Variants in KCNH5 observed in about 807,000 individuals in gnomAD.
KCNH5 encodes voltage-gated delayed rectifier potassium channel KCNH5.
Under a neutral mutation model 96.1 loss-of-function variants are expected in KCNH5, and 46 were observed. The observed-to-expected ratio is 0.48, with a 90% confidence interval of 0.38 to 0.61. The LOEUF is 0.61. KCNH5 is among the 20% of genes least tolerant of loss of function. The pLI, the probability that KCNH5 is intolerant of heterozygous loss-of-function variation, is 0.00. For synonymous variants in KCNH5, 439 were observed against 449.8 expected, an observed-to-expected ratio of 0.98 and a Z score of 0.30; for missense variants, 907 against 1,225.8, an observed-to-expected ratio of 0.74 and a Z score of 3.88.
Position 62,707,554 on chromosome 14 carries a change from G to C in KCNH5, c.2921C>G (p.Ser974Ter), listed in dbSNP as rs202153924. 4.7e-6 allele frequency: 7 copies of C among 1,501,988 alleles called. No homozygotes were observed. In the African/African-American group the frequency reaches 7.0e-5, roughly 15 times the overall value. 93.0% of individuals were successfully genotyped at this position (1,501,988 alleles called of 1,614,324 possible). The change falls in exon 11 of 11, where the codon TCA becomes TGA. Residue 974 changes from serine to a stop codon, truncating the protein, a stop_gained. Coordinates refer to ENST00000322893, the MANE Select transcript of KCNH5 (RefSeq NM_139318.5). LOFTEE classifies it high-confidence loss of function. ...QIPCQDIFSV[S>*]RPESPESDKD... is the part of the protein sequence containing the mutation. ...GTCAGATTCAGGTGATTCAGGCCTT[G>C]AGACACTAAAAATATCCTGACATGG... is the stretch of plus-strand genomic sequence containing the variant.
chr14:62,737,688 T>A (rs1395710973), intron 10 of KCNH5, among the ~76,000 whole-genome samples: 1 of 152,188 alleles, frequency 6.6e-6, no homozygotes, highest in African/African-American at 2.4e-5. Context: ...ATATTCTTAA[T>A]TATTGAGAAG....
At chr14:62,712,844 G>T (rs1254410300) in intron 10 of KCNH5, 1 of 673,442 alleles carries the variant, frequency 1.5e-6, no homozygotes, top group Non-Finnish European at 2.7e-6. Context: ...GAGCCAGTAG[G>T]CTTAAACACA....
chr14:62,719,515 G>T (rs1884759942), intron 10 of KCNH5, among the ~76,000 whole-genome samples: 1 of 152,252 alleles, frequency 6.6e-6, no homozygotes, highest in Non-Finnish European at 1.5e-5. Context: ...GCAGCCCCCA[G>T]AATCACAGCG....
intron 2 of KCNH5, among the ~76,000 whole-genome samples, chr14:63,013,966 G>C (rs1273676998): frequency 6.6e-6 from 1 of 152,038 alleles, no homozygotes; most frequent in Non-Finnish European, 1.5e-5. Flanking sequence ...AATAAATCAT[G>C]CTTCCAAGAA....
chr14:62,991,109 A>G (rs1358542967), intron 4 of KCNH5, among the ~76,000 whole-genome samples: 1 of 152,030 alleles, frequency 6.6e-6, no homozygotes, highest in East Asian at 1.9e-4. Context: ...ACTAACACAT[A>G]GTGGGCACTA....
chr14:62,899,738 G>T (rs1009257538), intron 7 of KCNH5, among the ~76,000 whole-genome samples: 59 of 150,980 alleles, frequency 3.9e-4, no homozygotes, highest in African/African-American at 1.3e-3. Flanking sequence ...GGAGGCTGAG[G>T]CAGGAGAATG....
chr14:62,772,817 GA>G (rs1199537078), intron 10 of KCNH5, among the ~76,000 whole-genome samples: 1 of 152,052 alleles, frequency 6.6e-6, no homozygotes, highest in Non-Finnish European at 1.5e-5. Context: ...ATACTCATAT[GA>G]AAGTTAAATG....
intron 7 of KCNH5, among the ~76,000 whole-genome samples, chr14:62,900,436 A>T (rs2140092644): frequency 6.6e-6 from 1 of 152,344 alleles, no homozygotes; most frequent in East Asian, 1.9e-4. Context: ...ATGTCTTTCA[A>T]CAAAATTTTT....
intron 7 of KCNH5, among the ~76,000 whole-genome samples, chr14:62,948,135 T>C (rs150695403): frequency 0.056 from 8,564 of 152,200 alleles, 834 homozygotes; most frequent in African/African-American, 0.2. Context: ...ATTTCATCCA[T>C]GTCCCTACAA....
intron 7 of KCNH5, among the ~76,000 whole-genome samples, chr14:62,873,489 T>C (rs1173705226): frequency 1.3e-5 from 2 of 152,176 alleles, no homozygotes; most frequent in Non-Finnish European, 2.9e-5. Flanking sequence ...CATGTGTCAA[T>C]ATATTATACC....
chr14:62,716,623 T>A (rs1884691542), intron 10 of KCNH5, among the ~76,000 whole-genome samples: 1 of 152,176 alleles, frequency 6.6e-6, no homozygotes. Context: ...TCCTTCTTTA[T>A]AAGGTAGTTC....
At chr14:62,922,579 A>G (rs555795722) in intron 7 of KCNH5, among the ~76,000 whole-genome samples, 2 of 152,010 alleles carry the variant, frequency 1.3e-5, no homozygotes, top group African/African-American at 2.4e-5. Flanking sequence ...ATTCAACAGC[A>G]TATTAAAAGG....
chr14:62,832,741 C>T lies in KCNH5; in HGVS notation c.1569+16912G>A, dbSNP rs986760822. Among the ~76,000 whole-genome samples, 3 of 152,242 alleles carry T rather than the reference C, an allele frequency of 2.0e-5. No homozygotes were observed. The South Asian group carries it at 6.2e-4, about 32-fold the overall frequency. ...TCCCACCAACAATATATAAGCATTC[C>T]AGTTTCTCTATATCCTTGCCAACAC... On this transcript the variant is annotated intron_variant, in intron 8 of 10. Transcript: ENST00000322893.
At chr14:62,933,706 T>C (rs1889623908) in intron 7 of KCNH5, among the ~76,000 whole-genome samples, 1 of 152,144 alleles carries the variant, frequency 6.6e-6, no homozygotes, top group African/African-American at 2.4e-5. Flanking sequence ...GATCAAGGAA[T>C]TTCCATTTTT....
chr14:62,795,456 T>C (rs1164966028), intron 9 of KCNH5, among the ~76,000 whole-genome samples: 4 of 152,252 alleles, frequency 2.6e-5, no homozygotes, highest in East Asian at 1.9e-4. Context: ...AAAACAACTA[T>C]GTACATAGCA....
Position 62,704,388 on chromosome 14 carries a change from G to T in KCNH5, c.*3120C>A, listed in dbSNP as rs1047795430. 1 of 151,588 alleles carries T rather than the reference G, an allele frequency of 6.6e-6. No individual in the cohort carries two copies. Among genetic ancestry groups the T allele is most frequent in the African/African-American group, 2.4e-5 (1 of 41,320 alleles). The allele number at this position is 151,588 out of a possible 1,614,324, so 9.4% of individuals were successfully genotyped here. A position where few individuals can be genotyped will look rare whatever the true frequency, so the allele number is the denominator to read the frequency against. On this transcript the variant is annotated 3_prime_UTR_variant, in exon 11 of 11. Transcript: ENST00000322893. ...TTTTCAGTACCATTCATATAGCTTT[G>T]GTATTGTCATCTGGCTTTTGTGTGC...
intron 7 of KCNH5, among the ~76,000 whole-genome samples, chr14:62,868,740 T>G (rs1194306268): frequency 2.0e-5 from 3 of 152,064 alleles, no homozygotes; most frequent in Admixed American, 6.5e-5. Context: ...CCTGTGTCCA[T>G]GTGTTCTCAT....
At chr14:62,828,590 T>C (rs1887273084) in intron 8 of KCNH5, among the ~76,000 whole-genome samples, 3 of 152,206 alleles carry the variant, frequency 2.0e-5, no homozygotes, top group Admixed American at 6.5e-5. Flanking sequence ...AACCATCAGA[T>C]CTTGTGAGAA....
chr14:62,978,770 A>G (rs1890550509), intron 6 of KCNH5, among the ~76,000 whole-genome samples: 1 of 152,110 alleles, frequency 6.6e-6, no homozygotes, highest in Non-Finnish European at 1.5e-5. Flanking sequence ...TAATCAAGCC[A>G]ATCTTTTGAT....
Sources: gnomAD v4.1 joint callset for allele counts (sites outside exome capture counted in the v4.1 genomes callset) on GRCh38, gnomAD v4.1.1 for gene constraint, MANE v1.5 for transcripts, NCBI Gene and HGNC (gene_info 2026-07-23, HGNC 2026-07-21) for gene names.